Variants in LDLRAD4 observed in about 807,000 individuals in gnomAD.
The protein encoded by LDLRAD4 is low density lipoprotein receptor class A domain containing 4.
LDLRAD4 carries 5 observed loss-of-function variants against 17.0 expected under a neutral mutation model. The ratio of observed to expected loss-of-function variants is 0.29; its 90% CI spans 0.15 to 0.62. LDLRAD4 has a LOEUF of 0.62. LDLRAD4 is among the 20% of genes least tolerant of loss of function. LDLRAD4 has a pLI of 0.84. For synonymous variants in LDLRAD4, 168 were observed against 171.8 expected, an observed-to-expected ratio of 0.98 and a Z score of 0.17; for missense variants, 340 against 424.7, an observed-to-expected ratio of 0.80 and a Z score of 1.75.
chr18:13,266,506 G>T (rs1347469843), intron 1 of LDLRAD4, among the ~76,000 whole-genome samples: 1 of 152,232 alleles, frequency 6.6e-6, no homozygotes, highest in Non-Finnish European at 1.5e-5. Flanking sequence ...GTCCAGAGGC[G>T]GGAGGATTCC....
intron 3 of LDLRAD4, among the ~76,000 whole-genome samples, chr18:13,566,502 A>C (rs947121157): frequency 6.6e-6 from 1 of 151,902 alleles, no homozygotes; most frequent in African/African-American, 2.4e-5. Flanking sequence ...AGCTGGGACT[A>C]CAGGCGCCTG....
intron 1 of LDLRAD4, among the ~76,000 whole-genome samples, chr18:13,226,179 G>GTTTTTTTTTTTTTTTTTT (rs1243883704): frequency 5.2e-4 from 6 of 11,470 alleles, no homozygotes; most frequent in South Asian, 4.2e-3. Flanking sequence ...GCCATGCCTT[G>GTTTTTTTTTTTTTTTTTT]CTTTTTTTTT....
At chr18:13,372,722 G>A (rs1193162173) in intron 1 of LDLRAD4, among the ~76,000 whole-genome samples, 5 of 152,192 alleles carry the variant, frequency 3.3e-5, no homozygotes, top group Non-Finnish European at 7.3e-5. Context: ...AGGAGGGTAT[G>A]GTCCGGTACT....
intron 1 of LDLRAD4, among the ~76,000 whole-genome samples, chr18:13,343,091 T>A (rs1440179418): frequency 6.6e-6 from 1 of 152,174 alleles, no homozygotes; most frequent in Non-Finnish European, 1.5e-5. Flanking sequence ...ACAATAGACT[T>A]TTTTATTATA....
intron 3 of LDLRAD4, among the ~76,000 whole-genome samples, chr18:13,603,774 G>A (rs1393775571): frequency 1.3e-5 from 2 of 152,204 alleles, no homozygotes; most frequent in Admixed American, 6.5e-5. Context: ...TGGGTGCCAC[G>A]CCAAGTTTCA....
In LDLRAD4 at chr18:13,645,309, C is replaced by A. The variant is rs781449171; in HGVS notation, c.573C>A (p.Leu191=). 6.2e-7 allele frequency: 1 copy of A among 1,614,214 alleles called. No homozygotes were observed. The highest frequency in any genetic ancestry group is 8.5e-7 in the Non-Finnish European group (1 of 1,180,038). The change falls in exon 6 of 6, where the codon CTC becomes CTA. Residue 191 remains leucine (L), a synonymous_variant. Coordinates refer to ENST00000359446, the Ensembl canonical transcript of LDLRAD4. The surrounding 1 kb of genome is among the most constrained non-coding windows in gnomAD (Gnocchi z 5.7). ...ACCAGGGGCCCTGCACCCTGCAGCT[C>A]CGGGACCCTGAACAGCAGATGGAAC...
At chr18:13,424,546 A>T (rs1488187983) in intron 2 of LDLRAD4, among the ~76,000 whole-genome samples, 1 of 152,100 alleles carries the variant, frequency 6.6e-6, no homozygotes, top group Non-Finnish European at 1.5e-5. Flanking sequence ...GAGCAAAGAG[A>T]CAAGCAATGA....
chr18:13,514,912 T>C (rs1387388119), intron 3 of LDLRAD4: 1 of 152,236 alleles, frequency 6.6e-6, no homozygotes, highest in Admixed American at 6.5e-5. Flanking sequence ...CAGAGGCTCT[T>C]TCAAGCCCTG....
At chr18:13,594,526 C>T (rs905037453) in intron 3 of LDLRAD4, among the ~76,000 whole-genome samples, 5 of 151,482 alleles carry the variant, frequency 3.3e-5, no homozygotes, top group African/African-American at 9.7e-5. Context: ...ATTAGCAGGG[C>T]ATGGAGGTGC....
intron 2 of LDLRAD4, among the ~76,000 whole-genome samples, chr18:13,425,291 G>A (rs76099877): frequency 0.011 from 1,716 of 152,246 alleles, 41 homozygotes; most frequent in African/African-American, 0.038. Context: ...TTATCAATAG[G>A]TAGCTTTGTT....
In LDLRAD4 at chr18:13,236,721, C is replaced by CT. The variant is rs566697708; in HGVS notation, c.-467+17734dup. ...TTTCTCAGTCTGGAGGGTTTCTGAG[C>CT]TGCTGTTGGAGTGGGGGTGTCTCCT... On this transcript the variant is annotated intron_variant, in intron 1 of 5. Coordinates refer to the LDLRAD4 transcript ENST00000399848. Among the ~76,000 whole-genome samples the CT allele has an allele frequency of 1.1e-4, 17 of 152,278 alleles. No individual in the cohort carries two copies. The East Asian group carries it at 3.1e-3, about 28-fold the overall frequency.
At chr18:13,310,961 G>T (rs1032582940) in intron 1 of LDLRAD4, among the ~76,000 whole-genome samples, 2 of 152,188 alleles carry the variant, frequency 1.3e-5, no homozygotes, top group African/African-American at 4.8e-5. Flanking sequence ...TAGCATTTCT[G>T]TAGCCTTAGG....
chr18:13,320,686 A>G (rs1315458527), intron 1 of LDLRAD4, among the ~76,000 whole-genome samples: 1 of 152,228 alleles, frequency 6.6e-6, no homozygotes, highest in Non-Finnish European at 1.5e-5. Context: ...AGTGAGGCTC[A>G]GCACAGGCTG....
intron 1 of LDLRAD4, among the ~76,000 whole-genome samples, chr18:13,237,573 G>A (rs138372241): frequency 1.7e-4 from 26 of 152,296 alleles, no homozygotes; most frequent in Non-Finnish European, 3.1e-4. Flanking sequence ...CAGTTAGTTC[G>A]AAGACATTCA....
intron 1 of LDLRAD4, among the ~76,000 whole-genome samples, chr18:13,344,932 G>T (rs952869428): frequency 9.9e-5 from 15 of 152,150 alleles, no homozygotes; most frequent in African/African-American, 3.4e-4. Flanking sequence ...CATTGATTTT[G>T]TATCCTGAGA....
At chr18:13,287,880 C>T (rs367630409) in intron 1 of LDLRAD4, among the ~76,000 whole-genome samples, 13 of 152,278 alleles carry the variant, frequency 8.5e-5, no homozygotes, top group South Asian at 4.1e-4. Context: ...ACGTTAAAAA[C>T]CTTATCTCAC....
At chr18:13,590,701 C>T (rs1420942153) in intron 3 of LDLRAD4, among the ~76,000 whole-genome samples, 1 of 152,182 alleles carries the variant, frequency 6.6e-6, no homozygotes, top group Non-Finnish European at 1.5e-5. Context: ...AGCTCCCTGC[C>T]CTTGACTGAT....
intron 1 of LDLRAD4, among the ~76,000 whole-genome samples, chr18:13,375,758 C>A (rs551113571): frequency 9.9e-5 from 15 of 152,160 alleles, no homozygotes; most frequent in Non-Finnish European, 1.9e-4. Flanking sequence ...CAGGGAACAG[C>A]ACCCTCTTCC....
At chr18:13,404,429 C>T (rs1433596056) in intron 2 of LDLRAD4, among the ~76,000 whole-genome samples, 3 of 152,240 alleles carry the variant, frequency 2.0e-5, no homozygotes, top group African/African-American at 2.4e-5. Context: ...GGGACGCTGT[C>T]CCACGTGGAC....
Sources: allele counts gnomAD v4.1 joint callset (sites outside exome capture counted in the v4.1 genomes callset), GRCh38; gene constraint gnomAD v4.1.1; non-coding constraint Gnocchi (gnomAD v3.1); transcripts MANE v1.5; gene names NCBI Gene and HGNC (gene_info 2026-07-23, HGNC 2026-07-21).